PCID2: variants seen among roughly 807,000 people sequenced by gnomAD.
The protein encoded by PCID2 is PCI domain containing 2.
A neutral mutation model predicts 61.3 loss-of-function variants in PCID2; 41 were observed. The ratio of observed to expected loss-of-function variants is 0.67; its 90% CI spans 0.52 to 0.87. The LOEUF is 0.87. PCID2 is among the 40% of genes least tolerant of loss of function. The pLI, the probability that PCID2 is intolerant of heterozygous loss-of-function variation, is 0.00. For synonymous variants in PCID2, 187 were observed against 177.8 expected, an observed-to-expected ratio of 1.05 and a Z score of -0.41; for missense variants, 392 against 493.4, an observed-to-expected ratio of 0.79 and a Z score of 1.95.
chr13:113,202,442 T>C (rs1812158552), intron 1 of PCID2, among the ~76,000 whole-genome samples: 2 of 152,240 alleles, frequency 1.3e-5, no homozygotes, highest in Non-Finnish European at 2.9e-5. Flanking sequence ...CTCGGCTACA[T>C]GTAATCACAA....
intron 1 of PCID2, among the ~76,000 whole-genome samples, chr13:113,201,206 G>A (rs747867216): frequency 3.3e-5 from 5 of 151,992 alleles, no homozygotes; most frequent in Non-Finnish European, 5.9e-5. Context: ...TGCGATACTC[G>A]GCTGCTGTTA....
downstream of PCID2, among the ~76,000 whole-genome samples, chr13:113,175,076 C>T (rs989967506): frequency 6.6e-6 from 1 of 152,180 alleles, no homozygotes; most frequent in South Asian, 2.1e-4. Flanking sequence ...GGCAGTTTTG[C>T]TCATGCTCAC....
Position 113,197,191 on chromosome 13 carries a change from T to C in PCID2, c.253A>G (p.Thr85Ala). ...HDFIEAYKCQ[T>A]VIVQSFLRAF... Reference sequence around the variant, plus strand: ...GACAAAGGATATTGGACTATCACGGTCTGGCACTTGTATGCCTCTATGAAG... The same window carrying C: ...GACAAAGGATATTGGACTATCACGGCCTGGCACTTGTATGCCTCTATGAAG... The change falls in exon 4 of 14, where the codon ACC becomes GCC. Residue 85 changes from threonine to alanine, a missense_variant. Physicochemically the swap from Thr to Ala is moderately conservative, Grantham distance 58 (BLOSUM62 0). Around this residue, in one of 3 missense-constraint regions of PCID2, gnomAD observed 155 missense variants for 164.9 expected, o/e 0.94. Coordinates refer to ENST00000337344, the MANE Select transcript of PCID2 (RefSeq NM_001127202.4). 6.2e-7 allele frequency: 1 copy of C among 1,614,196 alleles called. No homozygotes were observed. Among genetic ancestry groups the C allele is most frequent in the Non-Finnish European group, 8.5e-7 (1 of 1,180,032 alleles).
the PCID2 span, among the ~76,000 whole-genome samples, chr13:113,166,660 C>A: frequency 6.6e-6 from 1 of 152,222 alleles, no homozygotes; most frequent in Non-Finnish European, 1.5e-5. Flanking sequence ...TGGTCTATCA[C>A]CAGCTTTGCA....
At chr13:113,170,603 A>G in the PCID2 span, 2 of 952,458 alleles carry the variant, frequency 2.1e-6, no homozygotes, top group East Asian at 2.4e-5. Context: ...TGAAATGACA[A>G]ATTTAAAACT....
intron 2 of PCID2, among the ~76,000 whole-genome samples, chr13:113,198,729 T>C (rs2039206503): frequency 6.6e-6 from 1 of 150,612 alleles, no homozygotes; most frequent in Non-Finnish European, 1.5e-5. Context: ...AAATAAATGG[T>C]TCATTACTTC....
At chr13:113,180,261 C>CTT in intron 10 of PCID2, 30 bp from the exon 11 acceptor site, 1 of 1,537,568 alleles carries the variant, frequency 6.5e-7, no homozygotes. Flanking sequence ...AATGAAAATG[C>CTT]TTTCATTTTT....
At chr13:113,172,346 C>G in the PCID2 span, 5 of 556,044 alleles carry the variant, frequency 9.0e-6, no homozygotes, top group Middle Eastern at 4.9e-4. Flanking sequence ...ACATGAGATA[C>G]GTTAAATAAT....
Position 113,208,320 on chromosome 13 carries a change from G to A in PCID2, c.36+279C>T, listed in dbSNP as rs959591681. The A allele has an allele frequency of 7.0e-6, 10 of 1,432,938 alleles. No homozygotes were observed. The African/African-American group carries it at 1.2e-4, about 16-fold the overall frequency. The allele number at this position is 1,432,938 out of a possible 1,614,324, so 88.8% of individuals were successfully genotyped here. On this transcript the variant is annotated intron_variant, in intron 1 of 13. Transcript: ENST00000337344. The stretch of plus-strand genomic sequence containing the variant: ...CGGCCACACGTGCCAGCAAGTGAGG[G>A]CAGCGACCTGGGACCGCCGCGTCTA...
chr13:113,170,442 C>T, the PCID2 span: 2 of 1,607,704 alleles, frequency 1.2e-6, no homozygotes, highest in East Asian at 4.5e-5. Flanking sequence ...AAGGAAAAGA[C>T]TTCTGTGGTG....
At chr13:113,193,023 GCCTGACTTGATCTGGACCTC>G (rs1337677534) in intron 6 of PCID2, among the ~76,000 whole-genome samples, 79 of 152,126 alleles carry the variant, frequency 5.2e-4, no homozygotes, top group Middle Eastern at 3.4e-3. Context: ...GGACCTCCCT[GCCTGACTTGATCTGGACCTC>G]CCTGACTTGA....
At chr13:113,186,716 A>T (rs78742676) in intron 7 of PCID2, 2,066 of 152,366 alleles carry the variant, frequency 0.014, 24 homozygotes, top group Non-Finnish European at 0.021. Context: ...AGCTGCCTAC[A>T]GCATTTAGTG....
intron 4 of PCID2, 140 bp downstream of exon 4, chr13:113,197,038 C>G: frequency 1.9e-6 from 3 of 1,613,930 alleles, no homozygotes; most frequent in Non-Finnish European, 2.5e-6. Flanking sequence ...AGAGCTGAAA[C>G]GAGCTTCTGT....
intron 6 of PCID2, among the ~76,000 whole-genome samples, chr13:113,194,866 T>C (rs887197906): frequency 5.9e-5 from 9 of 152,094 alleles, no homozygotes; most frequent in African/African-American, 2.2e-4. Flanking sequence ...ATATGAACAG[T>C]GTGGAAATCT....
intron 1 of PCID2, chr13:113,208,266 C>T: frequency 6.9e-7 from 1 of 1,442,576 alleles, no homozygotes; most frequent in Non-Finnish European, 9.1e-7. Context: ...TCGGCGTGGC[C>T]CGCAGGCCCT....
intron 9 of PCID2, among the ~76,000 whole-genome samples, chr13:113,183,552 C>T (rs1157913010): frequency 6.6e-6 from 1 of 152,132 alleles, no homozygotes; most frequent in Non-Finnish European, 1.5e-5. Flanking sequence ...AGGAAATGGT[C>T]TATACAAGCC....
the PCID2 span, among the ~76,000 whole-genome samples, chr13:113,169,176 T>C: frequency 8.5e-5 from 13 of 152,250 alleles, no homozygotes; most frequent in Non-Finnish European, 1.2e-4. Context: ...TGTTTTACTT[T>C]TGATAGTTTC....
chr13:113,189,906 C>CTTA (rs1233489851), intron 7 of PCID2, among the ~76,000 whole-genome samples: 1 of 151,956 alleles, frequency 6.6e-6, no homozygotes, highest in East Asian at 1.9e-4. Flanking sequence ...GCCTGTAATC[C>CTTA]CAGCTATTCA....
At chr13:113,191,648 G>C (rs1413101626) in intron 6 of PCID2, among the ~76,000 whole-genome samples, 2 of 152,030 alleles carry the variant, frequency 1.3e-5, no homozygotes, top group African/African-American at 4.8e-5. Flanking sequence ...CTTTTCCCTC[G>C]CATTTGGGAG....
Sources: gnomAD v4.1 joint callset for allele counts (sites outside exome capture counted in the v4.1 genomes callset) on GRCh38, gnomAD v4.1.1 for gene constraint, gnomAD v4.1.1 regional missense constraint, MANE v1.5 for transcripts, NCBI Gene and HGNC (gene_info 2026-07-23, HGNC 2026-07-21) for gene names.